Variants in RIMKLB observed in about 807,000 individuals in gnomAD.
RIMKLB encodes beta-citrylglutamate synthase B.
RIMKLB carries 7 observed loss-of-function variants against 32.0 expected under a neutral mutation model. The ratio of observed to expected loss-of-function variants is 0.22; its 90% confidence interval spans 0.12 to 0.41. RIMKLB has a LOEUF of 0.41. RIMKLB is among the 10% of genes least tolerant of loss of function. RIMKLB has a pLI of 1.00. For missense variants in RIMKLB, 289 were observed against 498.7 expected, an observed-to-expected ratio of 0.58 and a Z score of 4.00; for synonymous variants, 172 against 185.1, an observed-to-expected ratio of 0.93 and a Z score of 0.57.
Position 8,713,789 on chromosome 12 carries a change from GTATAT to G in RIMKLB, c.-56-20_-56-16del. The G allele has an allele frequency of 7.4e-7, 1 of 1,351,600 alleles. No individual in the cohort carries two copies. Among genetic ancestry groups the G allele is most frequent in the Non-Finnish European group, 1.1e-6 (1 of 943,344 alleles). 83.7% of individuals were successfully genotyped at this position (1,351,600 alleles called of 1,614,324 possible). On this transcript the variant is annotated splice_polypyrimidine_tract_variant and intron_variant, in intron 1 of 5. Transcript: ENST00000535829. ...GTAGATTTCTTGATTTACCTTTTAT[GTATAT>G]TTTTTCTTCCATCTAGGTAGACGTT...
intron 1 of RIMKLB, among the ~76,000 whole-genome samples, chr12:8,706,394 C>T (rs908031386): frequency 2.0e-5 from 3 of 150,632 alleles, no homozygotes; most frequent in African/African-American, 4.9e-5. Context: ...ATCCACCTGC[C>T]TCGGCCTCCC....
In RIMKLB at chr12:8,690,698, G is replaced by C. The variant is rs776289210; in HGVS notation, n.219+8880G>C. 1.1e-4 allele frequency among the ~76,000 whole-genome samples: 16 copies of C among 152,308 alleles called. No individual in the cohort carries two copies. In the East Asian group the frequency reaches 2.5e-3, roughly 24 times the overall value. On this transcript the variant is annotated intron_variant and non_coding_transcript_variant, in intron 1 of 1. Coordinates refer to the RIMKLB transcript ENST00000538758. ...CCAACACTTTGGAAGGCCAATGCAG[G>C]TGGATCATGAGGTCAGGATATCGAG... is the stretch of plus-strand genomic sequence containing the variant.
upstream of RIMKLB, chr12:8,679,425 A>C (rs1162484271): frequency 6.6e-6 from 1 of 152,458 alleles, no homozygotes; most frequent in Non-Finnish European, 1.5e-5. Flanking sequence ...TCCTGACTTC[A>C]AGTAATCCGC....
At position 8,754,070 on chromosome 12, in the gene RIMKLB, G is replaced by C; in HGVS notation, c.674G>C (p.Arg225Thr). ...GTMLRCSTDG[R>T]MQSNCSLGGV... ...ATGTTACGTTGTTCAACAGATGGGA[G>C]AATGCAAAGCAACTGCTCATTAGGT... The change falls in exon 5 of 6, where the codon AGA becomes ACA. Residue 225 changes from arginine to threonine, a missense_variant. Arg to Thr is a moderately conservative substitution (Grantham distance 71). Around this residue, in one of 3 missense-constraint regions of RIMKLB, gnomAD observed 156 missense variants for 329.5 expected, o/e 0.47. Transcript: ENST00000535829. 1 of 1,613,712 alleles carries C rather than the reference G, an allele frequency of 6.2e-7. No individual in the cohort carries two copies. Among genetic ancestry groups the C allele is most frequent in the Non-Finnish European group, 8.5e-7 (1 of 1,179,578 alleles).
chr12:8,674,863 CTTT>C, the RIMKLB span, among the ~76,000 whole-genome samples: 12 of 128,236 alleles, frequency 9.4e-5, no homozygotes, highest in East Asian at 1.1e-3. Context: ...TGTCACAATT[CTTT>C]TTTTTTTTTT....
intron 2 of RIMKLB, among the ~76,000 whole-genome samples, chr12:8,725,479 T>C (rs1239535338): frequency 6.6e-6 from 1 of 152,096 alleles, no homozygotes; most frequent in Non-Finnish European, 1.5e-5. Flanking sequence ...GATTTTGCCA[T>C]GTTGGCCAGG....
intron 1 of RIMKLB, among the ~76,000 whole-genome samples, chr12:8,706,974 A>C (rs1943935395): frequency 1.3e-5 from 2 of 152,196 alleles, no homozygotes; most frequent in South Asian, 4.1e-4. Context: ...GATCATATGC[A>C]GAAGGAGAGA....
intron 2 of RIMKLB, among the ~76,000 whole-genome samples, chr12:8,744,552 T>A (rs904809514): frequency 6.6e-6 from 1 of 150,932 alleles, no homozygotes; most frequent in Non-Finnish European, 1.5e-5. Flanking sequence ...TTCTCAAAAT[T>A]TAATCTTCTT....
At chr12:8,764,482 A>G (rs1351004852) in intron 5 of RIMKLB, among the ~76,000 whole-genome samples, 1 of 152,188 alleles carries the variant, frequency 6.6e-6, no homozygotes, top group Non-Finnish European at 1.5e-5. Flanking sequence ...GGCTGGGAGA[A>G]GTATCTAGTG....
At chr12:8,746,598 C>CA (rs1185862870) in intron 2 of RIMKLB, among the ~76,000 whole-genome samples, 1,215 of 54,330 alleles carry the variant, frequency 0.022, 21 homozygotes, top group East Asian at 0.11. Flanking sequence ...GACTCTGTCT[C>CA]AAAAAAAAAA....
the RIMKLB span, among the ~76,000 whole-genome samples, chr12:8,670,828 T>C: frequency 6.6e-5 from 10 of 152,242 alleles, no homozygotes; most frequent in African/African-American, 2.4e-4. Flanking sequence ...AACTTTTGCT[T>C]GGGCATCCAG....
At chr12:8,770,243 A>C (rs1950299932) in intron 5 of RIMKLB, among the ~76,000 whole-genome samples, 1 of 152,204 alleles carries the variant, frequency 6.6e-6, no homozygotes, top group Non-Finnish European at 1.5e-5. Flanking sequence ...GATTACAGGC[A>C]TGAGCCACCG....
Position 8,740,297 on chromosome 12 carries a change from CTT to C in RIMKLB, c.176-9562_176-9561del, listed in dbSNP as rs548616298. 2.2e-3 allele frequency among the ~76,000 whole-genome samples: 333 copies of C among 152,318 alleles called. 1 individual carries two copies. The highest frequency in any genetic ancestry group is 3.6e-3 in the Non-Finnish European group (246 of 68,024). On this transcript the variant is annotated intron_variant, in intron 2 of 5. Transcript: ENST00000535829. ...CAACACATTCTATTTTGTGTCCCCTCTTTTAGAATACTTTTTTCCCCGATGGT... is the reference window on the plus strand; with the variant it reads ...CAACACATTCTATTTTGTGTCCCCTCTTAGAATACTTTTTTCCCCGATGGT...
At chr12:8,731,281 A>G (rs1011968184) in intron 2 of RIMKLB, among the ~76,000 whole-genome samples, 1 of 150,920 alleles carries the variant, frequency 6.6e-6, no homozygotes, top group African/African-American at 2.4e-5. Flanking sequence ...TATTTGTAGT[A>G]GAGACAGGGT....
At chr12:8,777,214 T>TC (rs1950777534), downstream of RIMKLB, 4 of 907,404 alleles carry the variant, frequency 4.4e-6, no homozygotes, top group Non-Finnish European at 5.1e-6. Flanking sequence ...TTGCTTGCTT[T>TC]CTTTTTTTTT....
rs73247477 is a variant in RIMKLB, at chr12:8,751,082, A to G, written c.407-875A>G. Among the ~76,000 whole-genome samples the G allele has an allele frequency of 2.2e-3, 341 of 152,360 alleles. 3 individuals are homozygous for G. Among genetic ancestry groups the G allele is most frequent in the African/African-American group, 7.7e-3 (319 of 41,588 alleles). ...TTCTGTTTTTAGCAATTGCATAAGA[A>G]GAGACAGAATTAATATAAGTTGAGA... On this transcript the variant is annotated intron_variant, in intron 3 of 5. Coordinates refer to ENST00000535829, the MANE Select transcript of RIMKLB (RefSeq NM_001297776.2).
intron 2 of RIMKLB, among the ~76,000 whole-genome samples, chr12:8,721,370 GAGTC>G (rs1349835136): frequency 6.6e-6 from 1 of 152,186 alleles, no homozygotes; most frequent in African/African-American, 2.4e-5. Context: ...TTCAAAATTG[GAGTC>G]AGTCCTCTTA....
intron 2 of RIMKLB, among the ~76,000 whole-genome samples, chr12:8,746,692 C>T (rs1454406569): frequency 6.6e-6 from 1 of 152,014 alleles, no homozygotes; most frequent in Non-Finnish European, 1.5e-5. Context: ...CTCACATCTG[C>T]TGATGACCAC....
Position 8,698,158 on chromosome 12 carries a change from A to G in RIMKLB, c.-196A>G, listed in dbSNP as rs1295375458. On this transcript the variant is annotated 5_prime_UTR_variant, in exon 1 of 6. Coordinates refer to ENST00000535829, the MANE Select transcript of RIMKLB (RefSeq NM_001297776.2). ...GCGGGAGCCGCAGTCGGCGGAGGAG[A>G]AAGGAGGCGGCTCCCGGTATCCCGA... 1 of 318,804 alleles carries G rather than the reference A, an allele frequency of 3.1e-6. No homozygotes were observed. Among genetic ancestry groups the G allele is most frequent in the Non-Finnish European group, 6.3e-6 (1 of 159,246 alleles). 19.7% of individuals were successfully genotyped at this position (318,804 alleles called of 1,614,324 possible).
Sources: allele counts gnomAD v4.1 joint callset (sites outside exome capture counted in the v4.1 genomes callset), GRCh38; gene constraint gnomAD v4.1.1; regional missense constraint gnomAD v4.1.1; transcripts MANE v1.5; gene names NCBI Gene and HGNC (gene_info 2026-07-23, HGNC 2026-07-21).